Variants in CUL3 observed in about 807,000 individuals in gnomAD.
CUL3 encodes the protein cullin-3.
Under a neutral mutation model 89.1 loss-of-function variants are expected in CUL3, and 19 were observed. The observed-to-expected ratio is 0.21, with a 90% CI of 0.15 to 0.31. The LOEUF (loss-of-function observed/expected upper bound fraction) is 0.31, where lower values mean the gene tolerates loss of function less well. CUL3 is among the 10% of genes least tolerant of loss of function. CUL3 has a pLI of 1.00. For synonymous variants in CUL3, 351 were observed against 308.4 expected, an observed-to-expected ratio of 1.14 and a Z score of -1.45; for missense variants, 469 against 942.3, an observed-to-expected ratio of 0.50 and a Z score of 6.58.
intron 13 of CUL3, among the ~76,000 whole-genome samples, chr2:224,492,771 G>C (rs997145416): frequency 1.2e-4 from 19 of 152,156 alleles, no homozygotes; most frequent in African/African-American, 4.6e-4. Flanking sequence ...TGTTAATCTT[G>C]TGTGGTCCTC....
chr2:224,511,056 G>A (rs1692808194), intron 6 of CUL3, among the ~76,000 whole-genome samples: 1 of 152,132 alleles, frequency 6.6e-6, no homozygotes, highest in Non-Finnish European at 1.5e-5. Context: ...GGAAGTACAG[G>A]AATGAATGAG....
chr2:224,483,732 T>A (rs144447147), intron 13 of CUL3, among the ~76,000 whole-genome samples: 2 of 152,136 alleles, frequency 1.3e-5, no homozygotes, highest in Non-Finnish European at 2.9e-5. Context: ...AAAAAGAGAT[T>A]AAAGCTACAA....
At chr2:224,564,273 ACT>A (rs1293908503) in intron 1 of CUL3, among the ~76,000 whole-genome samples, 3 of 152,184 alleles carry the variant, frequency 2.0e-5, no homozygotes, top group Non-Finnish European at 4.4e-5. Context: ...ACAGAGCAAG[ACT>A]CTGTCTCAGA....
chr2:224,486,482 A>G lies in CUL3; in HGVS notation c.1843-4404T>C, dbSNP rs182840252. On this transcript the variant is annotated intron_variant, in intron 13 of 15. Transcript: ENST00000264414. ...ACTTCGTGAAGCACACACAAGTATCAACAGCCAAATCGATCAAGCAGAAGA... is the reference window on the plus strand; with the variant it reads ...ACTTCGTGAAGCACACACAAGTATCGACAGCCAAATCGATCAAGCAGAAGA... Among the ~76,000 whole-genome samples, 778 of 152,170 alleles carry G rather than the reference A, an allele frequency of 5.1e-3. 13 individuals carry two copies. The highest frequency in any genetic ancestry group is 0.018 in the African/African-American group (754 of 41,528).
chr2:224,557,622 A>G (rs2106303818), intron 2 of CUL3, 37 bp downstream of exon 2: 1 of 1,412,520 alleles, frequency 7.1e-7, no homozygotes, highest in East Asian at 2.3e-5. Flanking sequence ...TTCTACATTC[A>G]ATATAGTATT....
chr2:224,546,276 C>T (rs1385211459), intron 2 of CUL3, among the ~76,000 whole-genome samples: 1 of 152,070 alleles, frequency 6.6e-6, no homozygotes, highest in Non-Finnish European at 1.5e-5. Context: ...TATTTTTGTT[C>T]TCGAGTACGA....
At chr2:224,498,449 CA>C (rs959957599) in intron 11 of CUL3, among the ~76,000 whole-genome samples, 1 of 152,158 alleles carries the variant, frequency 6.6e-6, no homozygotes, top group Non-Finnish European at 1.5e-5. Context: ...CCCAATATAA[CA>C]ATCATCCCTT....
intron 13 of CUL3, among the ~76,000 whole-genome samples, chr2:224,492,995 T>C (rs1297015432): frequency 6.6e-6 from 1 of 151,952 alleles, no homozygotes; most frequent in Non-Finnish European, 1.5e-5. Flanking sequence ...CAGAACAAAT[T>C]TGCCAGCCAT....
At chr2:224,496,446 C>T (rs995808425) in intron 12 of CUL3, among the ~76,000 whole-genome samples, 1 of 152,090 alleles carries the variant, frequency 6.6e-6, no homozygotes, top group Non-Finnish European at 1.5e-5. Context: ...AAAATGTGTG[C>T]ACACACACAC....
intron 13 of CUL3, among the ~76,000 whole-genome samples, chr2:224,487,924 G>T (rs1691800275): frequency 1.3e-5 from 2 of 152,160 alleles, no homozygotes; most frequent in South Asian, 2.1e-4. Context: ...AATCAAATTA[G>T]AACTCAGGAT....
Position 224,506,102 on chromosome 2 carries a change from G to A in CUL3, c.1060C>T (p.Arg354Cys), listed in dbSNP as rs199694647. The A allele has an allele frequency of 8.7e-6, 14 of 1,605,234 alleles. No homozygotes were observed. The highest frequency in any genetic ancestry group is 1.7e-4 in the Middle Eastern group (1 of 6,028). ...GLLDLKSRFD[R>C]FLLESFNNDR... The stretch of plus-strand genomic sequence containing the variant: ...TTGTTGAATGATTCCAGGAGGAAGC[G>A]ATCGAACCTACTCTTCAGATCCAAT... Residue 354 changes from arginine (R) to cysteine (C), a missense_variant, in exon 8 of 16, where the codon CGC (arginine) becomes TGC (cysteine). Transcript: ENST00000264414.
chr2:224,486,310 C>A (rs1349342581), intron 13 of CUL3, among the ~76,000 whole-genome samples: 1 of 152,106 alleles, frequency 6.6e-6, no homozygotes, highest in Non-Finnish European at 1.5e-5. Flanking sequence ...GAACAACAAA[C>A]TCCTCTGAGC....
intron 12 of CUL3, among the ~76,000 whole-genome samples, chr2:224,497,337 A>G (rs558436327): frequency 1.8e-4 from 27 of 152,280 alleles, no homozygotes; most frequent in African/African-American, 6.5e-4. Flanking sequence ...TAACATTTAT[A>G]TATCTAACAA....
At chr2:224,560,083 A>C (rs1694856188) in intron 1 of CUL3, among the ~76,000 whole-genome samples, 1 of 152,178 alleles carries the variant, frequency 6.6e-6, no homozygotes, top group Non-Finnish European at 1.5e-5. Flanking sequence ...ACCCTGTCTC[A>C]AAAAAGAAGA....
chr2:224,486,950 G>A (rs1448890171), intron 13 of CUL3, among the ~76,000 whole-genome samples: 1 of 152,094 alleles, frequency 6.6e-6, no homozygotes, highest in Non-Finnish European at 1.5e-5. Flanking sequence ...AGAGAGTGGG[G>A]GGGGCCAATA....
At chr2:224,502,628 C>T (rs1692436258) in intron 10 of CUL3, among the ~76,000 whole-genome samples, 1 of 152,154 alleles carries the variant, frequency 6.6e-6, no homozygotes, top group Admixed American at 6.5e-5. Context: ...AAGAAGAGTA[C>T]TGAAACTCAG....
At chr2:224,516,318 CTTTTT>C (rs68130414) in intron 3 of CUL3, among the ~76,000 whole-genome samples, 2 of 133,432 alleles carry the variant, frequency 1.5e-5, no homozygotes, top group Admixed American at 7.5e-5. Flanking sequence ...TTTTTGTTTG[CTTTTT>C]TTTTTTTTTT....
intron 14 of CUL3, among the ~76,000 whole-genome samples, chr2:224,481,283 A>G (rs1201818525): frequency 1.3e-5 from 2 of 152,158 alleles, no homozygotes; most frequent in East Asian, 3.9e-4. Context: ...AGTTTTAAAC[A>G]TCAATCAGCA....
At chr2:224,544,240 A>G (rs1220087996) in intron 2 of CUL3, among the ~76,000 whole-genome samples, 7 of 152,226 alleles carry the variant, frequency 4.6e-5, no homozygotes. Context: ...AATATGATTT[A>G]TAATAGTTTT....
Sources: gnomAD v4.1 joint callset for allele counts (sites outside exome capture counted in the v4.1 genomes callset) on GRCh38, gnomAD v4.1.1 for gene constraint, MANE v1.5 for transcripts, NCBI Gene and HGNC (gene_info 2026-07-23, HGNC 2026-07-21) for gene names.